The following PPP1R16B variants were observed in gnomAD, a reference collection of about 807,000 sequenced individuals.
PPP1R16B encodes the protein protein phosphatase 1 regulatory subunit 16B.
Under a neutral mutation model 61.7 loss-of-function variants are expected in PPP1R16B, and 14 were observed. That is an observed-to-expected ratio of 0.23 (90% CI 0.15 to 0.35). PPP1R16B has a LOEUF of 0.35. Among genes scored for constraint, PPP1R16B ranks in the 10% least tolerant of loss-of-function variants. PPP1R16B has a pLI of 1.00. For synonymous variants in PPP1R16B, 266 were observed against 305.3 expected (o/e 0.87, Z 1.34); for missense variants, 547 against 752.5 (o/e 0.73, Z 3.19).
chr20:38,841,667 A>G (rs532961215), intron 2 of PPP1R16B, among the ~76,000 whole-genome samples: 2 of 152,356 alleles, frequency 1.3e-5, no homozygotes, highest in East Asian at 3.9e-4. Context: ...TATTATTTAC[A>G]TGGAATCATA....
intron 2 of PPP1R16B, among the ~76,000 whole-genome samples, chr20:38,867,993 G>A (rs918301492): frequency 1.3e-5 from 2 of 152,180 alleles, no homozygotes; most frequent in Non-Finnish European, 2.9e-5. Flanking sequence ...GATTCTATCA[G>A]TTGGTGTTTC....
chr20:38,854,828 C>G lies in PPP1R16B; in HGVS notation c.250+18653C>G, dbSNP rs552083106. Among the ~76,000 whole-genome samples, 7 of 152,312 alleles carry G rather than the reference C, an allele frequency of 4.6e-5. No homozygotes were observed. In the South Asian group the frequency reaches 1.2e-3, roughly 27 times the overall value. ...TGCCAGTAGCCTCAGTTACAATAAG[C>G]CAGAGGCAAGATTAACATCTCTTCC... On this transcript the variant is annotated intron_variant, in intron 2 of 10. Transcript: ENST00000299824.
intron 2 of PPP1R16B, among the ~76,000 whole-genome samples, chr20:38,865,285 C>CT (rs1264985258): frequency 1.2e-4 from 8 of 67,112 alleles, no homozygotes; most frequent in Admixed American, 1.1e-3. Flanking sequence ...CTGCTGCATT[C>CT]TTTTTTTTTC....
chr20:38,901,237 CCTCAGCTG>C (rs2085391820), intron 5 of PPP1R16B, among the ~76,000 whole-genome samples: 1 of 152,172 alleles, frequency 6.6e-6, no homozygotes. Context: ...ATCCCCAGAT[CCTCAGCTG>C]CAGCTGCAGT....
chr20:38,846,775 G>A (rs750965521), intron 2 of PPP1R16B, among the ~76,000 whole-genome samples: 25 of 152,110 alleles, frequency 1.6e-4, no homozygotes, highest in African/African-American at 4.1e-4. Flanking sequence ...AGGCCAAGGC[G>A]GGAAGATCAC....
chr20:38,807,647 C>T (rs1172740575), intron 1 of PPP1R16B, among the ~76,000 whole-genome samples: 1 of 152,198 alleles, frequency 6.6e-6, no homozygotes, highest in African/African-American at 2.4e-5. Context: ...CCACCTGTCA[C>T]CCAAATCCCA....
chr20:38,827,841 G>A (rs565055678), intron 1 of PPP1R16B, among the ~76,000 whole-genome samples: 4 of 152,244 alleles, frequency 2.6e-5, no homozygotes, highest in Admixed American at 2.6e-4. Context: ...TGGGAGGGCG[G>A]GGGTGTACAT....
intron 2 of PPP1R16B, among the ~76,000 whole-genome samples, chr20:38,853,041 G>A (rs1483140162): frequency 2.0e-5 from 3 of 152,024 alleles, no homozygotes; most frequent in Non-Finnish European, 4.4e-5. Flanking sequence ...CAAAGTGCTG[G>A]AATTACAGGC....
chr20:38,873,294 G>A (rs1387362979), intron 2 of PPP1R16B, among the ~76,000 whole-genome samples: 1 of 152,144 alleles, frequency 6.6e-6, no homozygotes, highest in East Asian at 1.9e-4. Flanking sequence ...GGGGAGGTTG[G>A]GTTCTGAGAC....
intron 2 of PPP1R16B, among the ~76,000 whole-genome samples, chr20:38,847,827 G>GT (rs1246915407): frequency 6.6e-6 from 1 of 152,176 alleles, no homozygotes; most frequent in Admixed American, 6.5e-5. Context: ...ATTTTCTGCA[G>GT]TGCGTGTATG....
At chr20:38,841,637 A>G (rs2084909905) in intron 2 of PPP1R16B, among the ~76,000 whole-genome samples, 1 of 152,226 alleles carries the variant, frequency 6.6e-6, no homozygotes, top group African/African-American at 2.4e-5. Flanking sequence ...CTGTCTGTAT[A>G]GATTTGCCTT....
chr20:38,883,377 C>G (rs2085217166), intron 2 of PPP1R16B, among the ~76,000 whole-genome samples: 1 of 152,272 alleles, frequency 6.6e-6, no homozygotes, highest in Non-Finnish European at 1.5e-5. Context: ...TGTCTCCCTG[C>G]AAAGGCAGCC....
intron 1 of PPP1R16B, among the ~76,000 whole-genome samples, chr20:38,810,161 G>A (rs1408615284): frequency 6.6e-6 from 1 of 152,204 alleles, no homozygotes; most frequent in Non-Finnish European, 1.5e-5. Context: ...AGTTTTCCAG[G>A]TGGTAGGGCA....
intron 2 of PPP1R16B, among the ~76,000 whole-genome samples, chr20:38,869,508 G>A (rs1164428583): frequency 7.9e-5 from 12 of 152,042 alleles, no homozygotes; most frequent in African/African-American, 1.7e-4. Context: ...CAGTAGCTAC[G>A]CACCATTTTA....
rs944245406 is a variant in PPP1R16B at position 38,908,147 on chromosome 20, A to G, written c.1148A>G (p.Asn383Ser). The G allele has an allele frequency of 1.2e-6, 2 of 1,614,230 alleles. No individual in the cohort carries two copies. The highest frequency in any genetic ancestry group is 1.7e-6 in the Non-Finnish European group (2 of 1,180,038). Residue 383 changes from asparagine (N) to serine (S), a missense_variant, in exon 10 of 11, where the codon AAC becomes AGC. Physicochemically the swap from Asn to Ser is conservative, Grantham distance 46 (BLOSUM62 1). Coordinates refer to ENST00000299824, the MANE Select transcript of PPP1R16B (RefSeq NM_015568.4). ...AAEDQRTSTYNGDIRETRTDQ... is the reference protein window; with the variant it reads ...AAEDQRTSTYSGDIRETRTDQ... ...GAGGATCAGCGGACCTCCACCTACA[A>G]CGGGGACATCAGGGAGACCAGGACA... is the stretch of plus-strand genomic sequence containing the variant.
At chr20:38,861,539 C>T (rs1194314273) in intron 2 of PPP1R16B, among the ~76,000 whole-genome samples, 3 of 152,140 alleles carry the variant, frequency 2.0e-5, no homozygotes, top group Non-Finnish European at 4.4e-5. Context: ...GCATGGTTAC[C>T]ATAGGACCCT....
intron 1 of PPP1R16B, among the ~76,000 whole-genome samples, chr20:38,828,961 G>GAT (rs2084820387): frequency 1.3e-5 from 2 of 152,270 alleles, no homozygotes; most frequent in African/African-American, 4.8e-5. Context: ...TATTTTGGGC[G>GAT]ATGCTATTAT....
intron 1 of PPP1R16B, among the ~76,000 whole-genome samples, chr20:38,829,422 T>C (rs2084823305): frequency 6.6e-6 from 1 of 152,244 alleles, no homozygotes; most frequent in East Asian, 1.9e-4. Flanking sequence ...GACACTCTGT[T>C]GACTTGTGGG....
intron 5 of PPP1R16B, among the ~76,000 whole-genome samples, chr20:38,901,177 G>C (rs2085391453): frequency 1.3e-5 from 2 of 152,096 alleles, no homozygotes; most frequent in Admixed American, 6.5e-5. Context: ...GCGTGCCCCA[G>C]CACCCCACAG....
Sources: gnomAD v4.1 joint callset for allele counts (sites outside exome capture counted in the v4.1 genomes callset) on GRCh38, gnomAD v4.1.1 for gene constraint, MANE v1.5 for transcripts, NCBI Gene and HGNC (gene_info 2026-07-23, HGNC 2026-07-21) for gene names.